Variants in HAS1 observed in about 807,000 individuals in gnomAD.
HAS1 encodes HA synthase 1.
Under a neutral mutation model 35.0 loss-of-function variants are expected in HAS1, and 27 were observed. That is an observed-to-expected ratio of 0.77 (90% CI 0.57 to 1.06). The LOEUF (loss-of-function observed/expected upper bound fraction) is 1.06, where lower values mean the gene tolerates loss of function less well. HAS1 is among the 50% of genes least tolerant of loss of function. The probability of loss-of-function intolerance (pLI) is 0.00; values close to 1 mark genes in which losing one functional copy is unlikely to be tolerated. For missense variants in HAS1, 940 were observed against 814.8 expected, an observed-to-expected ratio of 1.15 and a Z score of -1.87; for synonymous variants, 409 against 371.2, an observed-to-expected ratio of 1.10 and a Z score of -1.17.
intron 2 of HAS1, among the ~76,000 whole-genome samples, chr19:51,718,512 A>C (rs2083601372): frequency 1.3e-5 from 2 of 152,148 alleles, no homozygotes; most frequent in Admixed American, 6.5e-5. Context: ...GAATTTCTAC[A>C]CTGAATGAAG....
intron 2 of HAS1, among the ~76,000 whole-genome samples, chr19:51,718,842 T>C (rs1383267937): frequency 6.6e-6 from 1 of 152,180 alleles, no homozygotes; most frequent in Non-Finnish European, 1.5e-5. Context: ...AATGGATGGA[T>C]AACTGAATCA....
intron 1 of HAS1, among the ~76,000 whole-genome samples, chr19:51,722,567 G>T (rs925176220): frequency 2.6e-5 from 4 of 152,218 alleles, no homozygotes; most frequent in African/African-American, 9.7e-5. Flanking sequence ...AAGAATTTGT[G>T]TGTGTGTTTT....
chr19:51,720,499 T>C (rs1217777565), intron 1 of HAS1, among the ~76,000 whole-genome samples: 2 of 152,106 alleles, frequency 1.3e-5, no homozygotes, highest in Non-Finnish European at 2.9e-5. Flanking sequence ...TTTTCATTAT[T>C]ATTTATTTTT....
At chr19:51,715,395 C>T (rs940867958) in intron 4 of HAS1, among the ~76,000 whole-genome samples, 1 of 152,160 alleles carries the variant, frequency 6.6e-6, no homozygotes, top group African/African-American at 2.4e-5. Flanking sequence ...GAGCCCCATC[C>T]TACCTCAGGC....
intron 3 of HAS1, among the ~76,000 whole-genome samples, 169 bp from the exon 4 acceptor site, chr19:51,716,557 C>T (rs757957554): frequency 2.0e-5 from 3 of 152,056 alleles, no homozygotes; most frequent in Admixed American, 1.3e-4. Flanking sequence ...ATCCTGTCCT[C>T]AACCTCATAC....
At chr19:51,717,593 G>T (rs962715612) in intron 2 of HAS1, among the ~76,000 whole-genome samples, 1 of 152,206 alleles carries the variant, frequency 6.6e-6, no homozygotes, top group South Asian at 2.1e-4. Flanking sequence ...TATCCTGGGT[G>T]GGCCTGACCT....
intron 1 of HAS1, among the ~76,000 whole-genome samples, chr19:51,720,662 TA>T (rs71852974): frequency 2.7e-5 from 4 of 147,940 alleles, no homozygotes; most frequent in East Asian, 2.0e-4. Flanking sequence ...CCTTGCTAAT[TA>T]AAAAAAAAAC....
Position 51,719,201 on chromosome 19 carries a change from C to T in HAS1, c.699+5G>A, listed in dbSNP as rs1353212407. On this transcript the variant is annotated splice_donor_5th_base_variant and intron_variant, in intron 2 of 4. Transcript: ENST00000540069. ...CACGAGTGGGCTGAAGGCGCCTCTACTCACCTGCACGTAGTCCACCGAATC... is the reference window on the plus strand; with the variant it reads ...CACGAGTGGGCTGAAGGCGCCTCTATTCACCTGCACGTAGTCCACCGAATC... 3 of 1,533,870 alleles carry T rather than the reference C, an allele frequency of 2.0e-6. No individual in the cohort carries two copies. Among genetic ancestry groups the T allele is most frequent in the Non-Finnish European group, 2.6e-6 (3 of 1,139,062 alleles).
intron 1 of HAS1, among the ~76,000 whole-genome samples, chr19:51,721,332 G>A (rs1424038183): frequency 6.6e-6 from 1 of 152,176 alleles, no homozygotes. Context: ...GGCATAGCCT[G>A]GTTCTCCTTT....
intron 4 of HAS1, among the ~76,000 whole-genome samples, chr19:51,715,728 A>G (rs1421848261): frequency 6.6e-6 from 1 of 152,162 alleles, no homozygotes; most frequent in Non-Finnish European, 1.5e-5. Context: ...CACTTGGTCT[A>G]GATCATCCTC....
intron 1 of HAS1, among the ~76,000 whole-genome samples, chr19:51,720,218 A>C (rs1346683225): frequency 3.3e-5 from 5 of 150,642 alleles, no homozygotes; most frequent in African/African-American, 1.2e-4. Flanking sequence ...GCTCAGGCTC[A>C]GCCTCCCACC....
intron 3 of HAS1, 38 bp from the exon 4 acceptor site, chr19:51,716,426 G>C (rs771149201): frequency 3.2e-6 from 5 of 1,575,708 alleles, no homozygotes; most frequent in Non-Finnish European, 4.3e-6. Flanking sequence ...GTCAGCCTCT[G>C]CTGTCACCAA....
intron 1 of HAS1, among the ~76,000 whole-genome samples, chr19:51,722,774 A>G (rs1051485169): frequency 6.6e-6 from 1 of 152,190 alleles, no homozygotes; most frequent in African/African-American, 2.4e-5. Context: ...GGCCCCCAAA[A>G]GCCTCAAATA....
chr19:51,722,897 T>C (rs1469936652), intron 1 of HAS1, among the ~76,000 whole-genome samples: 1 of 152,242 alleles, frequency 6.6e-6, no homozygotes, highest in Non-Finnish European at 1.5e-5. Context: ...TTTTCAAATG[T>C]GGCCACAAGA....
rs372145254 is a variant in HAS1, at chr19:51,716,238, C to T, written c.1058+18G>A. Reference sequence around the variant, plus strand: ...TTGGCCTCCACACATACCCGACCACCTGGTCCCCTCAGCTTACTTGGTAGC... The same window carrying T: ...TTGGCCTCCACACATACCCGACCACTTGGTCCCCTCAGCTTACTTGGTAGC... On this transcript the variant is annotated intron_variant, in intron 4 of 4. Coordinates refer to ENST00000540069, the MANE Select transcript of HAS1 (RefSeq NM_001297436.2). 1.9e-6 allele frequency: 3 copies of T among 1,608,050 alleles called. No homozygotes were observed. The South Asian group carries it at 3.3e-5, about 18-fold the overall frequency.
chr19:51,713,376 C>T lies in HAS1; in HGVS notation c.*51G>A. Reference sequence around the variant, plus strand: ...GTTCGTGGCTCGGGGCCCAGCAGCTCTCCTCTGGCCTCCCCTGAAGACCCT... The same window carrying T: ...GTTCGTGGCTCGGGGCCCAGCAGCTTTCCTCTGGCCTCCCCTGAAGACCCT... On this transcript the variant is annotated 3_prime_UTR_variant, in exon 5 of 5. Coordinates refer to ENST00000540069, the MANE Select transcript of HAS1 (RefSeq NM_001297436.2). The surrounding 1 kb of genome is among the most constrained non-coding windows in gnomAD (Gnocchi z 4.5). 1 of 1,423,280 alleles carries T rather than the reference C, an allele frequency of 7.0e-7. No homozygotes were observed. The highest frequency in any genetic ancestry group is 9.2e-7 in the Non-Finnish European group (1 of 1,086,856). 88.2% of individuals were successfully genotyped at this position (1,423,280 alleles called of 1,614,324 possible).
In HAS1 at chr19:51,723,982, G is replaced by A. The variant is rs779365589; in HGVS notation, c.-49C>T. 1.3e-6 allele frequency: 2 copies of A among 1,534,648 alleles called. No homozygotes were observed. The highest frequency in any genetic ancestry group is 2.4e-5 in the South Asian group (2 of 83,688). On this transcript the variant is annotated 5_prime_UTR_variant, in exon 1 of 5. Transcript: ENST00000540069. ...CTCTTCTCTCCGGCTTGCTCTCCCAGCCTCTCTGTGGCCAGAGAGCTGGAG... is the reference window on the plus strand; with the variant it reads ...CTCTTCTCTCCGGCTTGCTCTCCCAACCTCTCTGTGGCCAGAGAGCTGGAG...
In HAS1 at chr19:51,713,575, C is replaced by T. The variant is rs943669565; in HGVS notation, c.1586G>A (p.Ser529Asn). The T allele has an allele frequency of 6.4e-7, 1 of 1,567,268 alleles. No individual in the cohort carries two copies. The highest frequency in any genetic ancestry group is 8.6e-7 in the Non-Finnish European group (1 of 1,156,758). ...GGCCTCGGCTGCGCGGGAAGGGCCG[C>T]TCCAGTCGGCCCTGGCCTCGTGTGC... The part of the protein sequence containing the change: ...SVAHEARADW[S>N]GPSRAAEAYH... Residue 529 changes from serine to asparagine, a missense_variant, in exon 5 of 5, where the codon AGC (serine) becomes AAC (asparagine). Transcript: ENST00000540069. The surrounding 1 kb of genome is among the most constrained non-coding windows in gnomAD (Gnocchi z 4.5).
Position 51,716,928 on chromosome 19 carries a change from C to A in HAS1, c.925+40G>T, listed in dbSNP as rs371178344. 2.1e-4 allele frequency: 293 copies of A among 1,377,902 alleles called. 1 individual carries two copies. In the African/African-American group the frequency reaches 3.0e-3, roughly 14 times the overall value. The allele number at this position is 1,377,902 out of a possible 1,614,324, so 85.4% of individuals were successfully genotyped here. A position where few individuals can be genotyped will look rare whatever the true frequency, so the allele number is the denominator to read the frequency against. ...CCATCCGGCTTCCCTTCTCCCTTTC[C>A]ACCCCATCCACAGCCCTCCCAATCT... On this transcript the variant is annotated intron_variant, in intron 3 of 4. Coordinates refer to ENST00000540069, the MANE Select transcript of HAS1 (RefSeq NM_001297436.2).
Sources: allele counts gnomAD v4.1 joint callset (sites outside exome capture counted in the v4.1 genomes callset), GRCh38; gene constraint gnomAD v4.1.1; non-coding constraint Gnocchi (gnomAD v3.1); transcripts MANE v1.5; gene names NCBI Gene and HGNC (gene_info 2026-07-23, HGNC 2026-07-21).